TMEM132D: variants seen among roughly 807,000 people sequenced by gnomAD.
The protein encoded by TMEM132D is transmembrane protein 132D.
In TMEM132D, 21 loss-of-function variants were observed where a neutral mutation model predicts 62.3. That is an observed-to-expected ratio of 0.34 (90% CI 0.24 to 0.49). TMEM132D has a LOEUF of 0.49. Ranked by LOEUF, TMEM132D falls within the 20% of genes least tolerant of loss-of-function variation. The pLI is 0.99. For synonymous variants in TMEM132D, 621 were observed against 575.6 expected (o/e 1.08, Z -1.13); for missense variants, 1,346 against 1,402.8 (o/e 0.96, Z 0.65).
intron 4 of TMEM132D, among the ~76,000 whole-genome samples, chr12:129,302,883 G>A (rs577280041): frequency 6.6e-6 from 1 of 152,274 alleles, no homozygotes; most frequent in South Asian, 2.1e-4. Flanking sequence ...ACAGAGGCCT[G>A]GATCCCAAAG....
chr12:129,677,001 T>C (rs1016269729), intron 2 of TMEM132D, among the ~76,000 whole-genome samples: 2 of 152,206 alleles, frequency 1.3e-5, no homozygotes, highest in East Asian at 1.9e-4. Context: ...AATAGCTATA[T>C]AGTATTCTGT....
chr12:129,373,653 C>CAAAAT (rs1412630521), intron 3 of TMEM132D, among the ~76,000 whole-genome samples: 5 of 150,748 alleles, frequency 3.3e-5, no homozygotes, highest in African/African-American at 7.3e-5. Flanking sequence ...CAAAACAAAA[C>CAAAAT]AAAATAAAAA....
intron 1 of TMEM132D, among the ~76,000 whole-genome samples, chr12:129,750,365 G>C (rs1221785731): frequency 2.0e-5 from 3 of 152,236 alleles, no homozygotes; most frequent in African/African-American, 7.2e-5. Context: ...GATTACAGGC[G>C]TGAGCTACCG....
chr12:129,639,382 T>TA (rs34476667), intron 2 of TMEM132D, among the ~76,000 whole-genome samples: 53,816 of 90,334 alleles, frequency 0.6, 16,816 homozygotes, highest in Non-Finnish European at 0.69. Flanking sequence ...GACTCTGTCT[T>TA]AAAAAAAAAA....
At chr12:129,740,260 G>A (rs1372487595) in intron 1 of TMEM132D, among the ~76,000 whole-genome samples, 1 of 152,156 alleles carries the variant, frequency 6.6e-6, no homozygotes, top group African/African-American at 2.4e-5. Flanking sequence ...TCAAACAAAA[G>A]TGCAGAATAA....
intron 5 of TMEM132D, among the ~76,000 whole-genome samples, chr12:129,190,114 G>GA (rs11404897): frequency 0.014 from 265 of 19,496 alleles, 1 homozygote; most frequent in East Asian, 0.054. Context: ...TGGAGGGAGG[G>GA]GTCTTGGGGG....
rs908818068 is a variant in TMEM132D, at chr12:129,746,464, C to A, written c.80-45766G>T. 2.0e-5 allele frequency among the ~76,000 whole-genome samples: 3 copies of A among 152,048 alleles called. No individual in the cohort carries two copies. The East Asian group carries it at 5.8e-4, about 29-fold the overall frequency. ...ATGAAATTAGGAGACGGGAGGATAT[C>A]ATCAGATTTAAAATACATTAAAGGT... On this transcript the variant is annotated intron_variant, in intron 1 of 8. Transcript: ENST00000422113.
chr12:129,801,623 C>G (rs1297468556), intron 1 of TMEM132D, among the ~76,000 whole-genome samples: 6 of 151,420 alleles, frequency 4.0e-5, no homozygotes, highest in Non-Finnish European at 5.9e-5. Flanking sequence ...CTCTAAAAAG[C>G]AGAGCACCTC....
At chr12:129,767,585 T>A (rs1870592046) in intron 1 of TMEM132D, among the ~76,000 whole-genome samples, 1 of 152,216 alleles carries the variant, frequency 6.6e-6, no homozygotes, top group African/African-American at 2.4e-5. Context: ...ATGGCTGAGA[T>A]CATACAGCAT....
chr12:129,490,197 T>G (rs1156587623), intron 3 of TMEM132D, among the ~76,000 whole-genome samples: 1 of 152,170 alleles, frequency 6.6e-6, no homozygotes, highest in Non-Finnish European at 1.5e-5. Context: ...GGTACCAAGC[T>G]ACTCCACACA....
chr12:129,201,784 G>A (rs1362783666), intron 5 of TMEM132D, among the ~76,000 whole-genome samples: 1 of 152,142 alleles, frequency 6.6e-6, no homozygotes, highest in Non-Finnish European at 1.5e-5. Flanking sequence ...GGGAGAAAGA[G>A]AGAGAAGGAG....
intron 5 of TMEM132D, among the ~76,000 whole-genome samples, chr12:129,199,047 A>G (rs927514174): frequency 6.6e-5 from 10 of 151,552 alleles, no homozygotes; most frequent in Admixed American, 2.6e-4. Flanking sequence ...TAAGCATCCA[A>G]TAAGTATTAA....
At position 129,451,312 on chromosome 12, in the gene TMEM132D, G is replaced by A. The variant is rs202119687; in HGVS notation, c.1115+79747C>T. On this transcript the variant is annotated intron_variant, in intron 3 of 8. Transcript: ENST00000422113. ...GGCAAGTTAGAACTCTGATAAGCAG[G>A]CATTAATCATGGTAGATGAGTCGCT... Among the ~76,000 whole-genome samples, 15 of 152,176 alleles carry A rather than the reference G, an allele frequency of 9.9e-5. No homozygotes were observed. In the East Asian group the frequency reaches 2.9e-3, roughly 29 times the overall value.
intron 4 of TMEM132D, among the ~76,000 whole-genome samples, chr12:129,289,556 A>AAAAAAAAAAAAAAAAAAAG (rs1881392656): frequency 6.7e-6 from 1 of 148,552 alleles, no homozygotes; most frequent in African/African-American, 2.5e-5. Flanking sequence ...ATAAAAAAAA[A>AAAAAAAAAAAAAAAAAAAG]AAAAAAAAGA....
chr12:129,399,608 T>C (rs563929881), intron 3 of TMEM132D, among the ~76,000 whole-genome samples: 2 of 150,032 alleles, frequency 1.3e-5, no homozygotes, highest in Non-Finnish European at 2.9e-5. Flanking sequence ...ACAGAACGTA[T>C]TTACCTGTCT....
At chr12:129,330,806 T>G (rs1429317299) in intron 4 of TMEM132D, among the ~76,000 whole-genome samples, 1 of 152,140 alleles carries the variant, frequency 6.6e-6, no homozygotes, top group Non-Finnish European at 1.5e-5. Context: ...GGCATTCTGT[T>G]GTAAGCAACA....
At position 129,779,966 on chromosome 12, in the gene TMEM132D, C is replaced by G. The variant is rs1871068527; in HGVS notation, c.80-79268G>C. The stretch of plus-strand genomic sequence containing the variant: ...ATCCTCCGAGAAAGCACTGTCAGCC[C>G]CATTTCATCCATGAGGAATCAGGAG... On this transcript the variant is annotated intron_variant, in intron 1 of 8. Coordinates refer to ENST00000422113, the MANE Select transcript of TMEM132D (RefSeq NM_133448.3). The surrounding 1 kb of genome is among the most constrained non-coding windows in gnomAD (Gnocchi z 4.1). Among the ~76,000 whole-genome samples the G allele has an allele frequency of 6.6e-6, 1 of 152,044 alleles. No individual in the cohort carries two copies. Among genetic ancestry groups the G allele is most frequent in the Non-Finnish European group, 1.5e-5 (1 of 68,018 alleles).
intron 5 of TMEM132D, among the ~76,000 whole-genome samples, chr12:129,193,249 T>G (rs576586670): frequency 4.6e-5 from 7 of 152,142 alleles, no homozygotes; most frequent in Non-Finnish European, 7.3e-5. Flanking sequence ...GCATGTTTAG[T>G]TAGAGGTTTT....
At chr12:129,117,724 T>A (rs574184217) in intron 5 of TMEM132D, among the ~76,000 whole-genome samples, 77 of 152,318 alleles carry the variant, frequency 5.1e-4, no homozygotes, top group African/African-American at 1.8e-3. Flanking sequence ...TCTATTGCAG[T>A]GGAAGGAAGT....
Sources: allele counts gnomAD v4.1 joint callset (sites outside exome capture counted in the v4.1 genomes callset), GRCh38; gene constraint gnomAD v4.1.1; non-coding constraint Gnocchi (gnomAD v3.1); transcripts MANE v1.5; gene names NCBI Gene and HGNC (gene_info 2026-07-23, HGNC 2026-07-21).